The following MYO1B variants were observed in gnomAD, a reference collection of about 807,000 sequenced individuals.
MYO1B encodes unconventional myosin-Ib.
A neutral mutation model predicts 159.7 loss-of-function variants in MYO1B; 72 were observed. The ratio of observed to expected loss-of-function variants is 0.45; its 90% CI spans 0.37 to 0.55. MYO1B has a LOEUF of 0.55. Among genes scored for constraint, MYO1B ranks in the 20% least tolerant of loss-of-function variants. The pLI, the probability that MYO1B is intolerant of heterozygous loss-of-function variation, is 0.00. For synonymous variants in MYO1B, 468 were observed against 473.8 expected, an observed-to-expected ratio of 0.99 and a Z score of 0.16; for missense variants, 1,062 against 1,364.8, an observed-to-expected ratio of 0.78 and a Z score of 3.50.
At chr2:191,320,130 A>G (rs1690606865) in intron 3 of MYO1B, among the ~76,000 whole-genome samples, 1 of 152,164 alleles carries the variant, frequency 6.6e-6, no homozygotes, top group Non-Finnish European at 1.5e-5. Context: ...TGGTCTTAGT[A>G]TTCCTCTCAT....
At chr2:191,313,101 CTG>C (rs1690108043) in intron 3 of MYO1B, among the ~76,000 whole-genome samples, 1 of 143,064 alleles carries the variant, frequency 7.0e-6, no homozygotes, top group Non-Finnish European at 1.5e-5. Context: ...TGATGGGGGT[CTG>C]TTGGGTTTTC....
chr2:191,414,676 G>GAGACTTTCTC lies in MYO1B; in HGVS notation c.3159+7_3159+8insAGACTTTCTC. On this transcript the variant is annotated splice_region_variant and intron_variant, in intron 29 of 30. Coordinates refer to ENST00000392318, the MANE Select transcript of MYO1B (RefSeq NM_001130158.3). ...CGCCGTCCACCTCAAAGAGGTAAAG[G>GAGACTTTCTC]TTCAACAGAAGATTTCTGTGCTTAA... 1.2e-6 allele frequency: 2 copies of GAGACTTTCTC among 1,601,434 alleles called. No homozygotes were observed. Among genetic ancestry groups the GAGACTTTCTC allele is most frequent in the Admixed American group, 3.5e-5 (2 of 57,128 alleles).
Position 191,400,402 on chromosome 2 carries a change from A to G in MYO1B, c.2316A>G (p.Glu772=). 6.2e-7 allele frequency: 1 copy of G among 1,614,056 alleles called. No homozygotes were observed. Among genetic ancestry groups the G allele is most frequent in the Non-Finnish European group, 8.5e-7 (1 of 1,180,000 alleles). Residue 772 remains glutamate, a synonymous_variant, in exon 22 of 31, where the codon GAA becomes GAG. Transcript: ENST00000392318. ...TTTAGGCTCGAAAAATTCTGCGGGA[A>G]CTGAAGCATCAAAAGCGCTGTAAGG... ...RGWKARKILR[E]LKHQKRCKEA...
intron 23 of MYO1B, chr2:191,402,030 C>G (rs1453328629): frequency 2.0e-5 from 3 of 152,582 alleles, no homozygotes; most frequent in Non-Finnish European, 4.4e-5. Flanking sequence ...CTTTTGCGAC[C>G]TTAGCTAAAA....
chr2:191,331,308 C>T (rs1348749081), intron 4 of MYO1B, among the ~76,000 whole-genome samples: 2 of 145,966 alleles, frequency 1.4e-5, no homozygotes, highest in Non-Finnish European at 1.5e-5. Flanking sequence ...TATAAACCAC[C>T]TGGTGTAGGC....
At position 191,283,235 on chromosome 2, in the gene MYO1B, T is replaced by C. The variant is rs1469579432; in HGVS notation, c.135+6205T>C. 2.0e-5 allele frequency among the ~76,000 whole-genome samples: 3 copies of C among 152,256 alleles called. No individual in the cohort carries two copies. In the East Asian group the frequency reaches 5.8e-4, roughly 29 times the overall value. On this transcript the variant is annotated intron_variant, in intron 2 of 30. Coordinates refer to ENST00000392318, the MANE Select transcript of MYO1B (RefSeq NM_001130158.3). ...TGCTTACCAAACTTAGAGAGTTTTTTCATCATGGAGGCACTGTATAGGGCT... is the reference window on the plus strand; with the variant it reads ...TGCTTACCAAACTTAGAGAGTTTTTCCATCATGGAGGCACTGTATAGGGCT...
At chr2:191,373,898 G>T in intron 13 of MYO1B, among the ~76,000 whole-genome samples, 1 of 151,770 alleles carries the variant, frequency 6.6e-6, no homozygotes, top group Admixed American at 6.6e-5. Flanking sequence ...ATATTTAATT[G>T]TTACCTCCAT....
intron 7 of MYO1B, among the ~76,000 whole-genome samples, chr2:191,352,662 T>A (rs551278632): frequency 6.6e-6 from 1 of 152,342 alleles, no homozygotes; most frequent in Non-Finnish European, 1.5e-5. Context: ...GAAATTATAT[T>A]GAAATTTGTG....
chr2:191,337,488 A>G (rs893161587), intron 4 of MYO1B, among the ~76,000 whole-genome samples: 1 of 152,170 alleles, frequency 6.6e-6, no homozygotes, highest in African/African-American at 2.4e-5. Context: ...ATCCAGAAGT[A>G]TTTTGTAACA....
intron 20 of MYO1B, among the ~76,000 whole-genome samples, chr2:191,394,251 C>T (rs1695933404): frequency 6.6e-6 from 1 of 152,152 alleles, no homozygotes; most frequent in Admixed American, 6.5e-5. Context: ...GCACTTTGGA[C>T]TGTTGTCACC....
chr2:191,336,708 C>T (rs1691870943), intron 4 of MYO1B, among the ~76,000 whole-genome samples: 1 of 152,148 alleles, frequency 6.6e-6, no homozygotes, highest in African/African-American at 2.4e-5. Flanking sequence ...AGACTCCAGA[C>T]TGCTAAAAGG....
intron 1 of MYO1B, among the ~76,000 whole-genome samples, chr2:191,260,628 C>A (rs1283011217): frequency 6.6e-6 from 1 of 152,032 alleles, no homozygotes; most frequent in African/African-American, 2.4e-5. Context: ...GGAGCCTTTG[C>A]TTTTTTCAAG....
chr2:191,394,280 G>T (rs953070489), intron 20 of MYO1B, among the ~76,000 whole-genome samples: 5 of 152,162 alleles, frequency 3.3e-5, no homozygotes, highest in African/African-American at 4.8e-5. Context: ...TGGCCGTGGA[G>T]TCTCCTCTGT....
chr2:191,264,757 T>A (rs1395882989), intron 1 of MYO1B, among the ~76,000 whole-genome samples: 1 of 151,660 alleles, frequency 6.6e-6, no homozygotes, highest in Admixed American at 6.6e-5. Context: ...ATTTGCTGGC[T>A]TTTTGGTTTT....
In MYO1B at chr2:191,416,141, C is replaced by T. The variant is rs1697549097; in HGVS notation, c.3186C>T (p.Asp1062=). ...KEGSEAASKG[D]FLFSSDHLIE... ...GCTCAGAAGCAGCTAGTAAAGGAGACTTTCTCTTCAGCAGTGATCACCTGA... is the reference window on the plus strand; with the variant it reads ...GCTCAGAAGCAGCTAGTAAAGGAGATTTTCTCTTCAGCAGTGATCACCTGA... The change falls in exon 30 of 31, where the codon GAC becomes GAT. Residue 1062 remains aspartate, a synonymous_variant. Transcript: ENST00000392318. 2 of 1,614,138 alleles carry T rather than the reference C, an allele frequency of 1.2e-6. No individual in the cohort carries two copies. The highest frequency in any genetic ancestry group is 1.3e-5 in the African/African-American group (1 of 75,034).
At chr2:191,367,436 C>T (rs1694081298) in intron 11 of MYO1B, among the ~76,000 whole-genome samples, 1 of 152,110 alleles carries the variant, frequency 6.6e-6, no homozygotes, top group South Asian at 2.1e-4. Context: ...CCTCTAACCC[C>T]AATAGAGAGA....
chr2:191,411,547 C>A (rs555735489), intron 27 of MYO1B, among the ~76,000 whole-genome samples: 3 of 152,248 alleles, frequency 2.0e-5, no homozygotes, highest in African/African-American at 7.2e-5. Flanking sequence ...CTTTAATCAC[C>A]ATTCCAGTCT....
chr2:191,281,708 T>A (rs2125761305), intron 2 of MYO1B, among the ~76,000 whole-genome samples: 1 of 152,302 alleles, frequency 6.6e-6, no homozygotes, highest in African/African-American at 2.4e-5. Flanking sequence ...ACAGGAAAGC[T>A]ACAATTTAGG....
intron 1 of MYO1B, among the ~76,000 whole-genome samples, chr2:191,264,483 CT>C (rs34759324): frequency 0.42 from 61,475 of 146,884 alleles, 12,341 homozygotes; most frequent in Middle Eastern, 0.54. Flanking sequence ...AATCTTTAGA[CT>C]TTTTTTTTTT....
Sources: allele counts gnomAD v4.1 joint callset (sites outside exome capture counted in the v4.1 genomes callset), GRCh38; gene constraint gnomAD v4.1.1; transcripts MANE v1.5; gene names NCBI Gene and HGNC (gene_info 2026-07-23, HGNC 2026-07-21).